Variants in GRIN2C observed in about 807,000 individuals in gnomAD.
GRIN2C encodes the protein glutamate receptor ionotropic, NMDA 2C.
Under a neutral mutation model 77.7 loss-of-function variants are expected in GRIN2C, and 64 were observed. The ratio of observed to expected loss-of-function variants is 0.82; its 90% CI spans 0.67 to 1.01. The LOEUF is 1.01. GRIN2C is among the 50% of genes least tolerant of loss of function. The pLI is 0.00. For missense variants in GRIN2C, 1,549 were observed against 1,486.0 expected (o/e 1.04, Z -0.70); for synonymous variants, 792 against 643.4 (o/e 1.23, Z -3.49).
intron 12 of GRIN2C, 82 bp downstream of exon 12, chr17:74,844,194 G>A: frequency 6.4e-7 from 1 of 1,568,952 alleles, no homozygotes; most frequent in Non-Finnish European, 8.6e-7. Flanking sequence ...TTTACCTCTG[G>A]AAATGGGCCA....
chr17:74,856,972 G>A (rs2037837124), intron 1 of GRIN2C, among the ~76,000 whole-genome samples: 1 of 152,128 alleles, frequency 6.6e-6, no homozygotes, highest in Admixed American at 6.5e-5. Context: ...ACCAACTTTA[G>A]TGTAGAAACA....
chr17:74,850,336 C>G lies in GRIN2C; in HGVS notation c.1361G>C (p.Cys454Ser), dbSNP rs1423739272. The G allele has an allele frequency of 5.6e-6, 9 of 1,613,552 alleles. No homozygotes were observed. Among genetic ancestry groups the G allele is most frequent in the Non-Finnish European group, 7.6e-6 (9 of 1,179,980 alleles). ...GAGGATGTCGATGCAGAATCCCTTA[C>G]AGCAGAGCTTGGTGTAGGGGGCCAC... is the stretch of plus-strand genomic sequence containing the variant. ...GDVAPYTKLCCKGFCIDILKK... is the reference protein window; with the variant it reads ...GDVAPYTKLCSKGFCIDILKK... The change falls in exon 6 of 13, where the codon TGT becomes TCT. Residue 454 changes from cysteine (C) to serine (S), a missense_variant. Cys to Ser is a moderately radical substitution (Grantham distance 112, BLOSUM62 -1). Transcript: ENST00000293190. The surrounding 1 kb of genome is among the most constrained non-coding windows in gnomAD (Gnocchi z 5.3).
In GRIN2C at chr17:74,859,214, C is replaced by T. The variant is rs1413076326; in HGVS notation, c.-16+530G>A. ...ACCCCTTCCACAAACAGCCCTTAAA[C>T]TAATGTTTGACAAACACAGAGATCC... On this transcript the variant is annotated intron_variant, in intron 1 of 12. Coordinates refer to ENST00000293190, the MANE Select transcript of GRIN2C (RefSeq NM_000835.6). The surrounding 1 kb of genome is among the most constrained non-coding windows in gnomAD (Gnocchi z 5.9). 1.3e-5 allele frequency among the ~76,000 whole-genome samples: 2 copies of T among 152,204 alleles called. No individual in the cohort carries two copies. Among genetic ancestry groups the T allele is most frequent in the Non-Finnish European group, 2.9e-5 (2 of 68,032 alleles).
At position 74,849,993 on chromosome 17, in the gene GRIN2C, ACAGGCACCTC is replaced by A. The variant is rs977407143; in HGVS notation, c.1492-70_1492-61del. ...GGCTCCCGTGGGGTGGACACGCTGC[ACAGGCACCTC>A]CAGACACCCCTTCTAGCACCCACCA... On this transcript the variant is annotated intron_variant, in intron 6 of 12. Transcript: ENST00000293190. This position sits in a 1 kb window ranked among gnomAD's most constrained non-coding sequence, Gnocchi z 4.6. The A allele has an allele frequency of 3.4e-5, 53 of 1,549,274 alleles. No homozygotes were observed. The highest frequency in any genetic ancestry group is 2.0e-4 in the South Asian group (17 of 84,346).
At chr17:74,860,392 C>G (rs1480909046), upstream of GRIN2C, 4 of 456,414 alleles carry the variant, frequency 8.8e-6, no homozygotes, top group Non-Finnish European at 1.8e-5. Flanking sequence ...GGCTGGGAAA[C>G]CGAGTGGACG....
At chr17:74,860,064 G>A (rs1286163336), upstream of GRIN2C, among the ~76,000 whole-genome samples, 1 of 151,948 alleles carries the variant, frequency 6.6e-6, no homozygotes, top group Non-Finnish European at 1.5e-5. Context: ...GTCCCGCAGT[G>A]GGGGGACCAA....
intron 4 of GRIN2C, 139 bp downstream of exon 4, chr17:74,851,438 G>C (rs1016645950): frequency 1.6e-6 from 1 of 612,252 alleles, no homozygotes; most frequent in Non-Finnish European, 3.0e-6. Flanking sequence ...CAGTGGAGGA[G>C]ATGTTTGTTT....
In GRIN2C at chr17:74,850,156, C is replaced by G; in HGVS notation, c.1491+50G>C. 6.3e-7 allele frequency: 1 copy of G among 1,597,108 alleles called. No individual in the cohort carries two copies. Among genetic ancestry groups the G allele is most frequent in the Non-Finnish European group, 8.6e-7 (1 of 1,168,778 alleles). ...ATCTGAGAGCCACATGGGGCCTGGG[C>G]AGCAGGTGGGCAGGCAGGGCAGGTG... On this transcript the variant is annotated intron_variant, in intron 6 of 12. Coordinates refer to ENST00000293190, the MANE Select transcript of GRIN2C (RefSeq NM_000835.6). The surrounding 1 kb of genome is among the most constrained non-coding windows in gnomAD (Gnocchi z 5.3).
chr17:74,860,414 C>T, upstream of GRIN2C: 1 of 456,698 alleles, frequency 2.2e-6, no homozygotes, highest in Non-Finnish European at 4.4e-6. Context: ...ATGGGGTGGG[C>T]ATCAGGGCCT....
intron 11 of GRIN2C, 100 bp downstream of exon 11, chr17:74,845,966 T>A (rs1383669350): frequency 8.9e-7 from 1 of 1,119,348 alleles, no homozygotes; most frequent in Admixed American, 1.8e-5. Flanking sequence ...CAGAGACCTC[T>A]CCCTGCTCAC....
rs569163215 is a variant in GRIN2C at position 74,858,966 on chromosome 17, G to A, written c.-16+778C>T. 3.5e-3 allele frequency among the ~76,000 whole-genome samples: 532 copies of A among 152,196 alleles called. 2 individuals carry two copies. The highest frequency in any genetic ancestry group is 9.4e-3 in the African/African-American group (392 of 41,542). On this transcript the variant is annotated intron_variant, in intron 1 of 12. Coordinates refer to ENST00000293190, the MANE Select transcript of GRIN2C (RefSeq NM_000835.6). ...TGCCTTGATGCCTCAGGCTCTAGGC[G>A]CAGGGACTGCGGCCAGGCTGGGGCA... is the stretch of plus-strand genomic sequence containing the variant.
rs143282101 is a variant in GRIN2C, at chr17:74,842,550, G to A, written c.3587C>T (p.Thr1196Ile). ...GHRGRTLGLG[T>I]GYRDSGGLDE... ...CAGTCCCCCACTGTCTCTGTAGCCT[G>A]TGCCCAGCCCCAGAGTCCTGCCCCT... Residue 1196 changes from threonine to isoleucine, a missense_variant, in exon 13 of 13, where the codon ACA becomes ATA. Around this residue, in one of 3 missense-constraint regions of GRIN2C, gnomAD observed 450 missense variants for 267.9 expected, o/e 1.68. Coordinates refer to ENST00000293190, the MANE Select transcript of GRIN2C (RefSeq NM_000835.6). 9.0e-4 allele frequency: 699 copies of A among 778,092 alleles called. 5 individuals are homozygous for A. In the African/African-American group the frequency reaches 9.8e-3, roughly 11 times the overall value. 48.2% of individuals were successfully genotyped at this position (778,092 alleles called of 1,614,324 possible). A position where few individuals can be genotyped will look rare whatever the true frequency, so the allele number is the denominator to read the frequency against.
At chr17:74,854,081 C>G (rs371167290) in intron 2 of GRIN2C, 2 of 152,696 alleles carry the variant, frequency 1.3e-5, no homozygotes, top group Non-Finnish European at 1.5e-5. Flanking sequence ...CCCTCCCCAC[C>G]GGCTCGCCCT....
rs748229825 is a variant in GRIN2C at position 74,847,901 on chromosome 17, G to T, written c.1722C>A (p.Phe574Leu). Residue 574 changes from phenylalanine to leucine, a missense_variant, in exon 8 of 13, where the codon TTC becomes TTA. Physicochemically the swap from Phe to Leu is conservative, Grantham distance 22. Transcript: ENST00000293190. The surrounding 1 kb of genome is among the most constrained non-coding windows in gnomAD (Gnocchi z 5.2). ...LTVVAITVFMFEYFSPVSYNQ... is the reference protein window; with the variant it reads ...LTVVAITVFMLEYFSPVSYNQ... ...TGTAGCTGACAGGGCTGAAGTACTC[G>T]AACATGAAGACGGTGATGGCCACCA... The T allele has an allele frequency of 3.7e-6, 6 of 1,614,018 alleles. No homozygotes were observed. The highest frequency in any genetic ancestry group is 5.1e-6 in the Non-Finnish European group (6 of 1,179,932).
At chr17:74,848,344 G>T (rs1373544446) in intron 7 of GRIN2C, among the ~76,000 whole-genome samples, 4 of 152,150 alleles carry the variant, frequency 2.6e-5, no homozygotes, top group Non-Finnish European at 5.9e-5. Flanking sequence ...TACCAACATG[G>T]AAACCCACAC....
At chr17:74,856,074 C>T (rs751789745) in intron 1 of GRIN2C, among the ~76,000 whole-genome samples, 6 of 152,210 alleles carry the variant, frequency 3.9e-5, no homozygotes, top group African/African-American at 7.2e-5. Flanking sequence ...GGGCCTGACA[C>T]GTATCCTTGC....
rs201199917 is a variant in GRIN2C at position 74,852,514 on chromosome 17, G to A, written c.497C>T (p.Ala166Val). ...VLEEYDWSAF[A>V]VITSLHPGHA... is the part of the protein sequence containing the mutation. ...GCCCGGGTGCAGGCTGGTGATGACG[G>A]CGAAGGCGCTCCAGTCGTACTCTTC... Residue 166 changes from alanine (A) to valine (V), a missense_variant, in exon 3 of 13, where the codon GCC (alanine) becomes GTC (valine). Physicochemically the swap from Ala to Val is moderately conservative, Grantham distance 64. This residue lies in a region of GRIN2C where 382 missense variants were observed against 360.0 expected (regional missense o/e 1.06). Transcript: ENST00000293190. 3.4e-4 allele frequency: 536 copies of A among 1,568,240 alleles called. 3 individuals carry two copies. Among genetic ancestry groups the A allele is most frequent in the Non-Finnish European group, 8.0e-5 (93 of 1,165,304 alleles).
rs760990744 is a variant in GRIN2C at position 74,852,542 on chromosome 17, G to C, written c.469C>G (p.Leu157Val). Reference protein sequence around the residue: ...EQQLQVLFKVLEEYDWSAFAV... With the variant: ...EQQLQVLFKVVEEYDWSAFAV... ...AAGGCGCTCCAGTCGTACTCTTCCA[G>C]CACCTTGAACAGCACCTGCAGCTGC... The change falls in exon 3 of 13, where the codon CTG becomes GTG. Residue 157 changes from leucine (L) to valine (V), a missense_variant. Physicochemically the swap from Leu to Val is conservative, Grantham distance 32. Coordinates refer to ENST00000293190, the MANE Select transcript of GRIN2C (RefSeq NM_000835.6). 2 of 1,560,876 alleles carry C rather than the reference G, an allele frequency of 1.3e-6. No homozygotes were observed. Among genetic ancestry groups the C allele is most frequent in the Non-Finnish European group, 1.7e-6 (2 of 1,160,816 alleles).
chr17:74,852,307 A>T lies in GRIN2C; in HGVS notation c.704T>A (p.Val235Glu). ...GGCCTGCGCCGCCTCGGCGAAGAGC[A>T]CCTCGGCCTCCTCGCGCGAGCAGTA... ...VAYCSREEAE[V>E]LFAEAAQAGL... Residue 235 changes from valine to glutamate, a missense_variant, in exon 3 of 13, where the codon GTG becomes GAG. By Grantham distance (121) the Val-to-Glu change is moderately radical. Around this residue, in one of 3 missense-constraint regions of GRIN2C, gnomAD observed 382 missense variants for 360.0 expected, o/e 1.06. Coordinates refer to ENST00000293190, the MANE Select transcript of GRIN2C (RefSeq NM_000835.6). 6.9e-7 allele frequency: 1 copy of T among 1,444,142 alleles called. No individual in the cohort carries two copies. Among genetic ancestry groups the T allele is most frequent in the Non-Finnish European group, 9.0e-7 (1 of 1,105,594 alleles). The allele number at this position is 1,444,142 out of a possible 1,614,324, so 89.5% of individuals were successfully genotyped here.
Sources: allele counts gnomAD v4.1 joint callset (sites outside exome capture counted in the v4.1 genomes callset), GRCh38; gene constraint gnomAD v4.1.1; regional missense constraint gnomAD v4.1.1; non-coding constraint Gnocchi (gnomAD v3.1); transcripts MANE v1.5; gene names NCBI Gene and HGNC (gene_info 2026-07-23, HGNC 2026-07-21).